ZC4H2: variants seen among roughly 807,000 people sequenced by gnomAD.
ZC4H2 encodes zinc finger C4H2 domain-containing protein.
For synonymous variants in ZC4H2, 84 were observed against 66.3 expected (o/e 1.27, Z -1.30); for missense variants, 137 against 173.9 (o/e 0.79, Z 1.19).
At chrX:64,975,595 A>G (rs1420664469) in intron 1 of ZC4H2, among the ~76,000 whole-genome samples, 1 of 111,066 alleles carries the variant, frequency 9.0e-6, no homozygotes, top group Non-Finnish European at 1.9e-5. Flanking sequence ...AGCAAGGACA[A>G]TATCATCGCT....
chrX:65,032,606 A>G (rs960748962), intron 1 of ZC4H2, among the ~76,000 whole-genome samples: 2 of 111,951 alleles, frequency 1.8e-5, no homozygotes, highest in Non-Finnish European at 3.8e-5. Flanking sequence ...AATTAGTTCT[A>G]GAGTGATTCA....
At chrX:64,999,195 C>G (rs1390519498) in intron 1 of ZC4H2, among the ~76,000 whole-genome samples, 1 of 110,668 alleles carries the variant, frequency 9.0e-6, no homozygotes, top group East Asian at 2.8e-4. Flanking sequence ...CCAGTGAGAT[C>G]AACGCAGAAG....
chrX:64,993,827 C>T (rs1280043257), intron 1 of ZC4H2, among the ~76,000 whole-genome samples: 1 of 112,156 alleles, frequency 8.9e-6, no homozygotes, highest in African/African-American at 3.2e-5. Context: ...TGTGCAAACA[C>T]TCTGCTTGGT....
intron 1 of ZC4H2, among the ~76,000 whole-genome samples, chrX:64,953,297 C>A (rs1930963052): frequency 1.8e-5 from 2 of 111,993 alleles, no homozygotes; most frequent in Non-Finnish European, 3.8e-5. Context: ...AAAGCAATGG[C>A]AACAAAAGCC....
intron 1 of ZC4H2, among the ~76,000 whole-genome samples, chrX:64,936,994 AT>A (rs1930042503): frequency 9.0e-6 from 1 of 111,284 alleles, no homozygotes; most frequent in Non-Finnish European, 1.9e-5. Flanking sequence ...AAGAGTCAAG[AT>A]CCATCAGTGT....
intron 1 of ZC4H2, among the ~76,000 whole-genome samples, chrX:64,928,676 TTCTTCTTCC>T (rs1285677891): frequency 2.0e-5 from 2 of 102,248 alleles, no homozygotes; most frequent in Non-Finnish European, 4.0e-5. Flanking sequence ...CTTCTTCTTC[TTCTTCTTCC>T]TCCTCCTCTT....
rs753439585 is a variant in ZC4H2, at chrX:64,967,357, C to G, written c.53+8968G>C. The stretch of plus-strand genomic sequence containing the variant: ...TCATGCCAGTCACTGCTTAGATGTA[C>G]TCACAATACCAAATTCCCTCTTTAC... On this transcript the variant is annotated intron_variant, in intron 1 of 4. Coordinates refer to ENST00000374839, the MANE Select transcript of ZC4H2 (RefSeq NM_018684.4). Among the ~76,000 whole-genome samples, 49 of 111,576 alleles carry G rather than the reference C, an allele frequency of 4.4e-4. 1 individual carries two copies. The highest frequency in any genetic ancestry group is 7.9e-4 in the Non-Finnish European group (42 of 53,099).
At chrX:64,920,369 C>T (rs1391751424) in intron 2 of ZC4H2, 116 bp from the exon 3 acceptor site, 3 of 761,020 alleles carry the variant, frequency 3.9e-6, no homozygotes, top group Non-Finnish European at 5.6e-6. Flanking sequence ...TATTCAAGTC[C>T]TTGATCTCCC....
chrX:64,978,052 T>A (rs150097582), upstream of ZC4H2, among the ~76,000 whole-genome samples: 707 of 111,205 alleles, frequency 6.4e-3, 39 homozygotes, highest in Admixed American at 0.063. Context: ...GTCAGAACTC[T>A]CTCTGAGTTT....
At position 64,936,904 on chromosome X, in the gene ZC4H2, A is replaced by T. The variant is rs183034210; in HGVS notation, c.54-14916T>A. Among the ~76,000 whole-genome samples the T allele has an allele frequency of 3.8e-4, 42 of 111,940 alleles. 1 individual carries two copies. The highest frequency in any genetic ancestry group is 1.3e-3 in the African/African-American group (39 of 30,810). ...GCTAGCATCAAATTGACAGAATCAT[A>T]TTCACACATAACAATATTAACCTTA... is the stretch of plus-strand genomic sequence containing the variant. On this transcript the variant is annotated intron_variant, in intron 1 of 4. Coordinates refer to ENST00000374839, the MANE Select transcript of ZC4H2 (RefSeq NM_018684.4).
Position 64,923,303 on chromosome X carries a change from G to T in ZC4H2, c.54-1315C>A, listed in dbSNP as rs746646242. Among the ~76,000 whole-genome samples the T allele has an allele frequency of 4.5e-4, 50 of 111,734 alleles. No homozygotes were observed. In the South Asian group the frequency reaches 0.015, roughly 34 times the overall value. ...TAACATAATTTGAAGCCTGCCTCTG[G>T]GAAAGGGCTACAAAGTTTTGAAAGG... On this transcript the variant is annotated intron_variant, in intron 1 of 4. Coordinates refer to ENST00000374839, the MANE Select transcript of ZC4H2 (RefSeq NM_018684.4).
chrX:65,005,257 G>A (rs188031786), intron 1 of ZC4H2, among the ~76,000 whole-genome samples: 1 of 111,362 alleles, frequency 9.0e-6, no homozygotes, highest in Admixed American at 9.5e-5. Flanking sequence ...GAACCAAAAA[G>A]AGCCCTCATA....
chrX:64,995,232 T>C (rs1309836832), intron 1 of ZC4H2, among the ~76,000 whole-genome samples: 1 of 111,469 alleles, frequency 9.0e-6, no homozygotes, highest in African/African-American at 3.3e-5. Flanking sequence ...ATCAACTTCA[T>C]CAGGCTCTCA....
chrX:64,975,718 C>T (rs1931924931), intron 1 of ZC4H2, among the ~76,000 whole-genome samples: 1 of 111,861 alleles, frequency 8.9e-6, no homozygotes, highest in African/African-American at 3.3e-5. Flanking sequence ...GCGATCCCAC[C>T]ATCAGCGCAG....
At chrX:64,949,418 T>C (rs1930685833) in intron 1 of ZC4H2, among the ~76,000 whole-genome samples, 1 of 111,399 alleles carries the variant, frequency 9.0e-6, no homozygotes, top group Admixed American at 9.6e-5. Flanking sequence ...TTTCATCATA[T>C]CAAACTGTTT....
intron 1 of ZC4H2, among the ~76,000 whole-genome samples, chrX:64,927,375 TGTA>T (rs1929474631): frequency 9.1e-6 from 1 of 110,492 alleles, no homozygotes; most frequent in Non-Finnish European, 1.9e-5. Context: ...AGTGAGAACA[TGTA>T]GTGTTTAGTT....
intron 1 of ZC4H2, among the ~76,000 whole-genome samples, chrX:64,968,299 T>G (rs1398711163): frequency 9.0e-6 from 1 of 111,649 alleles, no homozygotes; most frequent in East Asian, 2.8e-4. Context: ...GAAGACAAAT[T>G]CAGGAAGTGG....
intron 1 of ZC4H2, among the ~76,000 whole-genome samples, chrX:65,019,664 C>T (rs910560589): frequency 4.5e-5 from 5 of 112,009 alleles, no homozygotes; most frequent in African/African-American, 1.3e-4. Context: ...AGCAAGGGAA[C>T]AAAATTGGAC....
At position 64,960,095 on chromosome X, in the gene ZC4H2, G is replaced by A. The variant is rs185626596; in HGVS notation, c.53+16230C>T. Among the ~76,000 whole-genome samples the A allele has an allele frequency of 3.6e-5, 4 of 110,763 alleles. No homozygotes were observed. The East Asian group carries it at 1.2e-3, about 32-fold the overall frequency. On this transcript the variant is annotated intron_variant, in intron 1 of 4. Coordinates refer to ENST00000374839, the MANE Select transcript of ZC4H2 (RefSeq NM_018684.4). Reference sequence around the variant, plus strand: ...TCAGTGATCTCCAAAAGATGGAAAGGCTTAGATGAGCCCTAAGATGGCTAT... The same window carrying A: ...TCAGTGATCTCCAAAAGATGGAAAGACTTAGATGAGCCCTAAGATGGCTAT...
Sources: allele counts gnomAD v4.1 joint callset (sites outside exome capture counted in the v4.1 genomes callset), GRCh38; gene constraint gnomAD v4.1.1; transcripts MANE v1.5; gene names NCBI Gene and HGNC (gene_info 2026-07-23, HGNC 2026-07-21).